MRPS27: variants seen among roughly 807,000 people sequenced by gnomAD.
MRPS27 encodes mitochondrial ribosomal protein S27.
A neutral mutation model predicts 48.9 loss-of-function variants in MRPS27; 43 were observed. The ratio of observed to expected loss-of-function variants is 0.88; its 90% confidence interval spans 0.69 to 1.13. MRPS27 has a LOEUF of 1.13. Ranked by LOEUF, MRPS27 falls within the 50% of genes most tolerant of loss-of-function variation. The pLI, the probability that MRPS27 is intolerant of heterozygous loss-of-function variation, is 0.00. For missense variants in MRPS27, 467 were observed against 476.3 expected, an observed-to-expected ratio of 0.98 and a Z score of 0.18; for synonymous variants, 188 against 171.9, an observed-to-expected ratio of 1.09 and a Z score of -0.73.
intron 4 of MRPS27, among the ~76,000 whole-genome samples, chr5:72,265,875 A>G (rs1162476238): frequency 1.3e-5 from 2 of 152,242 alleles, no homozygotes; most frequent in African/African-American, 4.8e-5. Flanking sequence ...GACCTATGAC[A>G]TTAATAAATT....
At chr5:72,234,448 C>G (rs1161894158) in intron 5 of MRPS27, among the ~76,000 whole-genome samples, 2 of 151,380 alleles carry the variant, frequency 1.3e-5, no homozygotes, top group Admixed American at 6.6e-5. Context: ...ACTAAGGCTC[C>G]AATTCTAACA....
chr5:72,237,420 G>T (rs1748228393), intron 5 of MRPS27, among the ~76,000 whole-genome samples: 1 of 151,924 alleles, frequency 6.6e-6, no homozygotes, highest in South Asian at 2.1e-4. Flanking sequence ...TAACTTTCAG[G>T]GTCCAGTGAC....
rs770464921 is a variant in MRPS27, at chr5:72,297,634, G to A, written c.220C>T (p.Arg74Trp). 17 of 1,573,532 alleles carry A rather than the reference G, an allele frequency of 1.1e-5. No homozygotes were observed. The highest frequency in any genetic ancestry group is 3.5e-5 in the South Asian group (3 of 86,198). ...KLPVSSLTIS[R>W]LIDNISSREE... ...TATATATGTTAAAATTTTCTTACCC[G>A]TGATATTGTTAAAGAACTAACAGGC... The change falls in exon 3 of 11, where the codon CGG (arginine) becomes TGG (tryptophan). Residue 74 changes from arginine (R) to tryptophan (W), a missense_variant and splice_region_variant. Coordinates refer to ENST00000261413, the MANE Select transcript of MRPS27 (RefSeq NM_015084.3).
intron 4 of MRPS27, among the ~76,000 whole-genome samples, chr5:72,250,654 C>G (rs1481880578): frequency 6.6e-6 from 1 of 152,092 alleles, no homozygotes; most frequent in African/African-American, 2.4e-5. Context: ...ATGATAATAC[C>G]TTAATCACTG....
At chr5:72,301,707 G>C (rs1395025911) in intron 2 of MRPS27, among the ~76,000 whole-genome samples, 1 of 152,246 alleles carries the variant, frequency 6.6e-6, no homozygotes, top group Non-Finnish European at 1.5e-5. Flanking sequence ...GGTAACAGCT[G>C]CAAAGCCAGC....
intron 9 of MRPS27, among the ~76,000 whole-genome samples, chr5:72,225,317 A>C (rs902018690): frequency 1.1e-4 from 16 of 152,214 alleles, no homozygotes; most frequent in Non-Finnish European, 1.8e-4. Context: ...AAGAAAAAAC[A>C]AATATGTGGC....
intron 4 of MRPS27, among the ~76,000 whole-genome samples, chr5:72,252,098 G>T (rs955519819): frequency 1.3e-5 from 2 of 151,892 alleles, no homozygotes; most frequent in African/African-American, 2.4e-5. Flanking sequence ...AAAAATTATG[G>T]GTACAAATAA....
At chr5:72,226,261 A>G in intron 8 of MRPS27, 62 bp from the exon 9 acceptor site, 1 of 1,588,736 alleles carries the variant, frequency 6.3e-7, no homozygotes, top group Non-Finnish European at 8.6e-7. Context: ...TCTAAGACTG[A>G]GGACCTGAAG....
chr5:72,285,770 C>G (rs1749656380), intron 4 of MRPS27, among the ~76,000 whole-genome samples: 1 of 152,198 alleles, frequency 6.6e-6, no homozygotes, highest in Non-Finnish European at 1.5e-5. Context: ...AGGGATCTTT[C>G]CACCTCAGTC....
chr5:72,260,237 A>G (rs1052921615), intron 4 of MRPS27, among the ~76,000 whole-genome samples: 3 of 152,210 alleles, frequency 2.0e-5, no homozygotes, highest in Non-Finnish European at 1.5e-5. Flanking sequence ...CAAGGCCTCT[A>G]TGCTTCAAGA....
Position 72,318,814 on chromosome 5 carries a change from G to A in MRPS27, c.73+1335C>T, listed in dbSNP as rs148083809. Among the ~76,000 whole-genome samples the A allele has an allele frequency of 4.2e-3, 644 of 151,906 alleles. 3 individuals carry two copies. The highest frequency in any genetic ancestry group is 5.7e-3 in the Non-Finnish European group (386 of 67,950). ...GAAAAAAAAAAAAAAGGCTGGGGAG[G>A]TGATTGTGGGGAAAGACAGGTCTCC... is the stretch of plus-strand genomic sequence containing the variant. On this transcript the variant is annotated intron_variant, in intron 1 of 10. Transcript: ENST00000261413.
intron 4 of MRPS27, among the ~76,000 whole-genome samples, chr5:72,266,084 G>A (rs1749101282): frequency 6.6e-6 from 1 of 152,070 alleles, no homozygotes; most frequent in Non-Finnish European, 1.5e-5. Flanking sequence ...AAAGTGGAAG[G>A]AGAAACAATA....
chr5:72,286,286 A>T (rs1449656029), intron 4 of MRPS27, among the ~76,000 whole-genome samples: 4 of 152,218 alleles, frequency 2.6e-5, no homozygotes. Flanking sequence ...TAGCCAAAAT[A>T]ATTTTGAAAA....
At chr5:72,270,566 A>C (rs1390229520) in intron 4 of MRPS27, among the ~76,000 whole-genome samples, 1 of 152,170 alleles carries the variant, frequency 6.6e-6, no homozygotes, top group South Asian at 2.1e-4. Flanking sequence ...CCAGGCCCAG[A>C]TAATACCTTC....
intron 2 of MRPS27, among the ~76,000 whole-genome samples, chr5:72,299,861 A>C (rs1750083671): frequency 6.6e-6 from 1 of 152,224 alleles, no homozygotes; most frequent in Non-Finnish European, 1.5e-5. Flanking sequence ...TTTCACTGAG[A>C]AAACAGAAGC....
intron 6 of MRPS27, among the ~76,000 whole-genome samples, chr5:72,233,420 T>C (rs907597149): frequency 4.6e-5 from 7 of 152,158 alleles, no homozygotes; most frequent in African/African-American, 1.7e-4. Flanking sequence ...AACAATGGCT[T>C]AAAATATAGT....
chr5:72,242,299 A>C (rs959073537), intron 4 of MRPS27, among the ~76,000 whole-genome samples: 2 of 152,140 alleles, frequency 1.3e-5, no homozygotes, highest in Admixed American at 6.5e-5. Flanking sequence ...CTGCTCATTC[A>C]AGACTGATGT....
chr5:72,234,139 A>T lies in MRPS27; in HGVS notation c.455T>A (p.Ile152Lys). Residue 152 changes from isoleucine (I) to lysine (K), a missense_variant, in exon 6 of 11, where the codon ATA becomes AAA. Coordinates refer to ENST00000261413, the MANE Select transcript of MRPS27 (RefSeq NM_015084.3). Reference sequence around the variant, plus strand: ...CTTACCTTTGTAATTTTCTTTCTTTATGAAAGAATCCATCAGTAAATTGAA... The same window carrying T: ...CTTACCTTTGTAATTTTCTTTCTTTTTGAAAGAATCCATCAGTAAATTGAA... The part of the protein sequence containing the change: ...FTFNLLMDSF[I>K]KKENYKDALS... The T allele has an allele frequency of 6.6e-7, 1 of 1,525,326 alleles. No individual in the cohort carries two copies. The highest frequency in any genetic ancestry group is 8.8e-7 in the Non-Finnish European group (1 of 1,140,330). The allele number at this position is 1,525,326 out of a possible 1,614,324, so 94.5% of individuals were successfully genotyped here. A position where few individuals can be genotyped will look rare whatever the true frequency, so the allele number is the denominator to read the frequency against.
intron 4 of MRPS27, among the ~76,000 whole-genome samples, chr5:72,248,669 T>TAAAAA (rs36063387): frequency 1.3e-4 from 9 of 70,272 alleles, no homozygotes; most frequent in African/African-American, 2.0e-4. Context: ...CATTTTCATT[T>TAAAAA]AAAAAAAAAA....
Sources: allele counts gnomAD v4.1 joint callset (sites outside exome capture counted in the v4.1 genomes callset), GRCh38; gene constraint gnomAD v4.1.1; transcripts MANE v1.5; gene names NCBI Gene and HGNC (gene_info 2026-07-23, HGNC 2026-07-21).